RPS6KC1: variants seen among roughly 807,000 people sequenced by gnomAD.
The protein encoded by RPS6KC1 is ribosomal protein S6 kinase C1.
RPS6KC1 carries 54 observed loss-of-function variants against 103.8 expected under a neutral mutation model. The observed-to-expected ratio is 0.52, with a 90% CI of 0.42 to 0.65. The LOEUF (loss-of-function observed/expected upper bound fraction) is 0.65, where lower values mean the gene tolerates loss of function less well. RPS6KC1 is among the 30% of genes least tolerant of loss of function. RPS6KC1 has a pLI of 0.00. For missense variants in RPS6KC1, 1,151 were observed against 1,253.8 expected (o/e 0.92, Z 1.24); for synonymous variants, 439 against 438.7 (o/e 1.00, Z -0.01).
chr1:213,773,946 A>G, the RPS6KC1 span, among the ~76,000 whole-genome samples: 18 of 152,242 alleles, frequency 1.2e-4, no homozygotes, highest in Non-Finnish European at 2.4e-4. Flanking sequence ...GCAACTTTTC[A>G]CAAATGATTC....
At chr1:213,668,830 C>T in the RPS6KC1 span, among the ~76,000 whole-genome samples, 19 of 152,322 alleles carry the variant, frequency 1.2e-4, no homozygotes, top group African/African-American at 2.9e-4. Flanking sequence ...CTTGCTGCCT[C>T]TTTTTGCACC....
chr1:213,305,629 T>C, the RPS6KC1 span, among the ~76,000 whole-genome samples: 11 of 151,786 alleles, frequency 7.2e-5, no homozygotes, highest in Non-Finnish European at 1.6e-4. Flanking sequence ...GAACACAGAG[T>C]AGAGGAGTGG....
chr1:213,699,221 T>A, the RPS6KC1 span, among the ~76,000 whole-genome samples: 1 of 152,042 alleles, frequency 6.6e-6, no homozygotes, highest in Non-Finnish European at 1.5e-5. Flanking sequence ...CACTCCCATT[T>A]CCAACCTCTA....
At chr1:213,405,910 A>G in the RPS6KC1 span, among the ~76,000 whole-genome samples, 5 of 152,204 alleles carry the variant, frequency 3.3e-5, no homozygotes, top group Admixed American at 1.3e-4. Flanking sequence ...GTGTGGGGCC[A>G]TGGCGGTGAA....
chr1:213,304,162 C>T, the RPS6KC1 span, among the ~76,000 whole-genome samples: 1 of 147,104 alleles, frequency 6.8e-6, no homozygotes, highest in South Asian at 2.2e-4. Flanking sequence ...GCCGAGATCC[C>T]GCCACTGCAC....
the RPS6KC1 span, among the ~76,000 whole-genome samples, chr1:213,745,214 A>G: frequency 2.0e-5 from 3 of 148,928 alleles, no homozygotes; most frequent in African/African-American, 7.3e-5. Flanking sequence ...AAGTTAATTC[A>G]ATGGAAGCTA....
the RPS6KC1 span, among the ~76,000 whole-genome samples, chr1:213,394,897 G>A: frequency 5.7e-4 from 87 of 152,344 alleles, no homozygotes; most frequent in South Asian, 1.0e-3. Flanking sequence ...AGGAAACAGT[G>A]CAGCTGCCCC....
the RPS6KC1 span, among the ~76,000 whole-genome samples, chr1:213,485,702 A>C: frequency 1.7e-3 from 260 of 152,306 alleles, 2 homozygotes; most frequent in South Asian, 9.1e-3. Flanking sequence ...GATAAGTGCT[A>C]TCCTGTAGAT....
chr1:213,329,339 T>C, the RPS6KC1 span, among the ~76,000 whole-genome samples: 1 of 152,240 alleles, frequency 6.6e-6, no homozygotes, highest in East Asian at 1.9e-4. Context: ...GGTGAGCAGC[T>C]TGGCTCTGGG....
At chr1:213,769,490 C>CTGGAGAGAGAGAGAGAGAGAGA in the RPS6KC1 span, among the ~76,000 whole-genome samples, 1 of 141,608 alleles carries the variant, frequency 7.1e-6, no homozygotes, top group Non-Finnish European at 1.5e-5. Context: ...GAAACTCCAC[C>CTGGAGAGAGAGAGAGAGAGAGA]TGGAGAGAGA....
At chr1:213,134,450 T>C (rs1250387510) in intron 6 of RPS6KC1, among the ~76,000 whole-genome samples, 2 of 152,136 alleles carry the variant, frequency 1.3e-5, no homozygotes, top group African/African-American at 4.8e-5. Context: ...CAATTTTTCT[T>C]TGAAGATTTT....
chr1:213,592,685 C>T, the RPS6KC1 span, among the ~76,000 whole-genome samples: 2 of 152,096 alleles, frequency 1.3e-5, no homozygotes, highest in African/African-American at 4.8e-5. Context: ...GTTTACCAAC[C>T]ATGAGAGTTA....
chr1:213,388,492 C>A, the RPS6KC1 span, among the ~76,000 whole-genome samples: 1 of 152,136 alleles, frequency 6.6e-6, no homozygotes, highest in African/African-American at 2.4e-5. Flanking sequence ...TCATGCAATT[C>A]TTCTTCTATT....
At chr1:213,449,865 A>T in the RPS6KC1 span, among the ~76,000 whole-genome samples, 2 of 152,178 alleles carry the variant, frequency 1.3e-5, no homozygotes, top group Non-Finnish European at 2.9e-5. Flanking sequence ...AATAATTCTT[A>T]TTAGAGATTG....
chr1:213,444,859 A>G, the RPS6KC1 span, among the ~76,000 whole-genome samples: 5 of 152,128 alleles, frequency 3.3e-5, no homozygotes, highest in Non-Finnish European at 7.4e-5. Flanking sequence ...TTAAGATATA[A>G]TTCACATACC....
the RPS6KC1 span, among the ~76,000 whole-genome samples, chr1:213,683,089 C>CTGGG: frequency 7.9e-5 from 12 of 152,114 alleles, no homozygotes; most frequent in African/African-American, 2.9e-4. Context: ...ACAAATAAGA[C>CTGGG]TGCAATAAAC....
chr1:213,857,656 T>G, the RPS6KC1 span, among the ~76,000 whole-genome samples: 1 of 152,234 alleles, frequency 6.6e-6, no homozygotes, highest in Admixed American at 6.5e-5. Flanking sequence ...GTCTTGACAC[T>G]GTTCTGGGCA....
chr1:213,314,728 T>C, the RPS6KC1 span, among the ~76,000 whole-genome samples: 18 of 150,860 alleles, frequency 1.2e-4, no homozygotes, highest in Middle Eastern at 3.4e-3. Flanking sequence ...AATAGGCCCA[T>C]TAAATGCTGT....
chr1:213,517,514 T>G, the RPS6KC1 span, among the ~76,000 whole-genome samples: 1 of 152,234 alleles, frequency 6.6e-6, no homozygotes, highest in Non-Finnish European at 1.5e-5. Flanking sequence ...AGCAGGTTGT[T>G]CACTTTCCAT....
Sources: gnomAD v4.1 joint callset for allele counts (sites outside exome capture counted in the v4.1 genomes callset) on GRCh38, gnomAD v4.1.1 for gene constraint, MANE v1.5 for transcripts, NCBI Gene and HGNC (gene_info 2026-07-23, HGNC 2026-07-21) for gene names.